The following BBOX1 variants were observed in gnomAD, a reference collection of about 807,000 sequenced individuals.
BBOX1 encodes the protein gamma-butyrobetaine hydroxylase 1.
Under a neutral mutation model 41.6 loss-of-function variants are expected in BBOX1, and 35 were observed. The observed-to-expected ratio is 0.84, with a 90% CI of 0.64 to 1.11. BBOX1 has a LOEUF of 1.11. Among genes scored for constraint, BBOX1 ranks in the 50% most tolerant of loss-of-function variants. The pLI, the probability that BBOX1 is intolerant of heterozygous loss-of-function variation, is 0.00. For synonymous variants in BBOX1, 163 were observed against 154.7 expected (o/e 1.05, Z -0.40); for missense variants, 458 against 460.6 (o/e 0.99, Z 0.05).
intron 2 of BBOX1, among the ~76,000 whole-genome samples, chr11:27,048,327 A>G (rs1288782322): frequency 1.3e-5 from 2 of 152,028 alleles, no homozygotes; most frequent in African/African-American, 2.4e-5. Flanking sequence ...GCATTTTTAG[A>G]TTCCATGTAT....
chr11:27,069,063 T>A (rs1481908322), intron 4 of BBOX1, among the ~76,000 whole-genome samples: 2 of 152,076 alleles, frequency 1.3e-5, no homozygotes, highest in African/African-American at 4.8e-5. Flanking sequence ...GGCTCTTTTT[T>A]ATTTTTTTGG....
chr11:27,119,222 A>G (rs981064649), intron 6 of BBOX1, among the ~76,000 whole-genome samples: 1 of 151,828 alleles, frequency 6.6e-6, no homozygotes, highest in African/African-American at 2.4e-5. Flanking sequence ...TTCTCGTTCT[A>G]TTCTGCATAA....
At chr11:27,050,361 A>C (rs1160674788) in intron 2 of BBOX1, among the ~76,000 whole-genome samples, 1 of 152,104 alleles carries the variant, frequency 6.6e-6, no homozygotes, top group Non-Finnish European at 1.5e-5. Flanking sequence ...TACATATTTT[A>C]GAGTGCCTTT....
Position 27,115,505 on chromosome 11 carries a change from C to T in BBOX1, c.587C>T (p.Thr196Ile). Residue 196 changes from threonine to isoleucine, a missense_variant, in exon 6 of 9, where the codon ACT (threonine) becomes ATT (isoleucine). Coordinates refer to ENST00000263182, the MANE Select transcript of BBOX1 (RefSeq NM_003986.3). ...KIDANNVAYT[T>I]GKLSFHTDYP... ...GATGCAAACAATGTGGCTTACACAACTGGGAAGCTAAGCTTTCACACTGAT... is the reference window on the plus strand; with the variant it reads ...GATGCAAACAATGTGGCTTACACAATTGGGAAGCTAAGCTTTCACACTGAT... 3 of 1,611,342 alleles carry T rather than the reference C, an allele frequency of 1.9e-6. No individual in the cohort carries two copies. Among genetic ancestry groups the T allele is most frequent in the Non-Finnish European group, 2.5e-6 (3 of 1,178,234 alleles).
intron 4 of BBOX1, among the ~76,000 whole-genome samples, chr11:27,070,319 T>C (rs1857403935): frequency 6.6e-6 from 1 of 152,128 alleles, no homozygotes; most frequent in African/African-American, 2.4e-5. Flanking sequence ...TTTGTTGACT[T>C]TCTGTCTCAG....
intron 4 of BBOX1, among the ~76,000 whole-genome samples, chr11:27,074,666 G>C (rs1431468518): frequency 3.3e-5 from 5 of 152,190 alleles, no homozygotes; most frequent in African/African-American, 4.8e-5. Context: ...AAGCATTCAA[G>C]ATGTGACCTG....
At chr11:27,083,647 T>C (rs1258926073) in intron 4 of BBOX1, among the ~76,000 whole-genome samples, 1 of 152,156 alleles carries the variant, frequency 6.6e-6, no homozygotes, top group African/African-American at 2.4e-5. Context: ...TCATTTATTA[T>C]TGTTATACAC....
At chr11:27,048,537 GATA>G (rs1851564371) in intron 2 of BBOX1, among the ~76,000 whole-genome samples, 1 of 43,278 alleles carries the variant, frequency 2.3e-5, no homozygotes, top group South Asian at 1.2e-3. Context: ...ATAGATGATA[GATA>G]GATAGATAGA....
At chr11:27,102,838 A>G (rs1198366898) in intron 5 of BBOX1, among the ~76,000 whole-genome samples, 1 of 152,178 alleles carries the variant, frequency 6.6e-6, no homozygotes, top group African/African-American at 2.4e-5. Context: ...TTATTGGGTC[A>G]CAGCATCTTT....
At chr11:27,119,566 ATTAT>A (rs1859390666) in intron 6 of BBOX1, 79 bp from the exon 7 acceptor site, 1 of 822,032 alleles carries the variant, frequency 1.2e-6, no homozygotes, top group Non-Finnish European at 1.6e-6. Context: ...ATTTTATTTT[ATTAT>A]TTATTTTATT....
intron 5 of BBOX1, among the ~76,000 whole-genome samples, chr11:27,109,275 T>C (rs1434165630): frequency 1.3e-5 from 2 of 152,082 alleles, no homozygotes; most frequent in Non-Finnish European, 2.9e-5. Context: ...AAAAGTCCTA[T>C]GGGGCATCTC....
In BBOX1 at chr11:27,119,774, C is replaced by T. The variant is rs1464737585; in HGVS notation, c.765C>T (p.Thr255=). Residue 255 remains threonine (T), a synonymous_variant, in exon 7 of 9, where the codon ACC becomes ACT. Transcript: ENST00000263182. The stretch of plus-strand genomic sequence containing the variant: ...AGGCATTCCAGATTTTGTCCTCTAC[C>T]TTTGTGGACTTTACAGACATTGGAG... The part of the protein sequence containing the change: ...NPQAFQILSS[T]FVDFTDIGVD... The T allele has an allele frequency of 1.3e-6, 2 of 1,599,530 alleles. No homozygotes were observed. The highest frequency in any genetic ancestry group is 1.7e-6 in the Non-Finnish European group (2 of 1,174,634).
rs56221868 is a variant in BBOX1 at position 27,064,128 on chromosome 11, T to C, written c.334+6813T>C. 3.2e-3 allele frequency among the ~76,000 whole-genome samples: 484 copies of C among 152,228 alleles called. 1 individual carries two copies. Among genetic ancestry groups the C allele is most frequent in the Middle Eastern group, 0.014 (4 of 294 alleles). On this transcript the variant is annotated intron_variant, in intron 4 of 8. Coordinates refer to ENST00000263182, the MANE Select transcript of BBOX1 (RefSeq NM_003986.3). ...CAGAGGTGGGAGCCTGCAATGCAAA[T>C]CAGGGATGGGGTAAGTGTATTGTTT...
chr11:27,072,548 G>T (rs532158788), intron 4 of BBOX1, among the ~76,000 whole-genome samples: 2 of 151,992 alleles, frequency 1.3e-5, no homozygotes, highest in Non-Finnish European at 2.9e-5. Flanking sequence ...CAATGACTTC[G>T]TCACAGAATT....
In BBOX1 at chr11:27,089,985, G is replaced by A. The variant is rs997795923; in HGVS notation, c.335-3183G>A. Reference sequence around the variant, plus strand: ...AGGACTGTAAACACAATGAGCAAATGGGAGTGGCAAAGCAAACAATCACAT... The same window carrying A: ...AGGACTGTAAACACAATGAGCAAATAGGAGTGGCAAAGCAAACAATCACAT... On this transcript the variant is annotated intron_variant, in intron 4 of 8. Coordinates refer to ENST00000263182, the MANE Select transcript of BBOX1 (RefSeq NM_003986.3). Among the ~76,000 whole-genome samples the A allele has an allele frequency of 5.3e-5, 8 of 152,120 alleles. No individual in the cohort carries two copies. In the Middle Eastern group the frequency reaches 0.01, roughly 194 times the overall value.
chr11:27,096,516 A>T (rs997676558), intron 5 of BBOX1, among the ~76,000 whole-genome samples: 1 of 152,008 alleles, frequency 6.6e-6, no homozygotes, highest in African/African-American at 2.4e-5. Context: ...TAGATGCCTA[A>T]AACAATAATA....
chr11:27,061,298 T>C (rs1857127147), intron 4 of BBOX1, among the ~76,000 whole-genome samples: 1 of 152,148 alleles, frequency 6.6e-6, no homozygotes, highest in Non-Finnish European at 1.5e-5. Flanking sequence ...CTCAATTAAG[T>C]AGTGGAAAAA....
At chr11:27,061,141 C>A (rs776606576) in intron 4 of BBOX1, among the ~76,000 whole-genome samples, 27 of 152,062 alleles carry the variant, frequency 1.8e-4, no homozygotes, top group Non-Finnish European at 2.8e-4. Context: ...GAAATACATG[C>A]CAACTTTTTA....
At chr11:27,064,198 GGTT>G (rs1489246548) in intron 4 of BBOX1, among the ~76,000 whole-genome samples, 2 of 152,056 alleles carry the variant, frequency 1.3e-5, no homozygotes, top group Admixed American at 6.6e-5. Context: ...AGACTTGGTG[GGTT>G]GTTGTTTTTT....
Sources: gnomAD v4.1 joint callset for allele counts (sites outside exome capture counted in the v4.1 genomes callset) on GRCh38, gnomAD v4.1.1 for gene constraint, MANE v1.5 for transcripts, NCBI Gene and HGNC (gene_info 2026-07-23, HGNC 2026-07-21) for gene names.